Variants in STRA6 observed in about 807,000 individuals in gnomAD.
STRA6 encodes signaling receptor and transporter of retinol STRA6.
A neutral mutation model predicts 83.6 loss-of-function variants in STRA6; 48 were observed. That is an observed-to-expected ratio of 0.57 (90% CI 0.46 to 0.73). The LOEUF is 0.73. STRA6 is among the 30% of genes least tolerant of loss of function. The pLI, the probability that STRA6 is intolerant of heterozygous loss-of-function variation, is 0.00. For synonymous variants in STRA6, 353 were observed against 362.3 expected (o/e 0.97, Z 0.29); for missense variants, 760 against 838.8 (o/e 0.91, Z 1.16).
chr15:74,180,606 A>G (rs1184966064), intron 18 of STRA6, among the ~76,000 whole-genome samples, 176 bp downstream of exon 18: 2 of 152,146 alleles, frequency 1.3e-5, no homozygotes, highest in African/African-American at 4.8e-5. Context: ...GTGTGTGTTC[A>G]TATCATGGAA....
At chr15:74,181,217 G>T (rs532103784) in intron 17 of STRA6, 78 bp downstream of exon 17, 2 of 1,577,584 alleles carry the variant, frequency 1.3e-6, no homozygotes, top group African/African-American at 1.3e-5. Context: ...CAGCTGGCAC[G>T]GCCCTGGGGC....
upstream of STRA6, among the ~76,000 whole-genome samples, chr15:74,205,522 C>A (rs1192698975): frequency 6.6e-6 from 1 of 152,150 alleles, no homozygotes; most frequent in East Asian, 1.9e-4. Flanking sequence ...GGGCACCAAG[C>A]CATTCAGGAG....
chr15:74,196,816 C>A (rs1270575558), intron 4 of STRA6, among the ~76,000 whole-genome samples: 1 of 152,234 alleles, frequency 6.6e-6, no homozygotes, highest in African/African-American at 2.4e-5. Context: ...CTGCCCCAAC[C>A]CTTTGGTCTC....
chr15:74,209,194 C>T (rs188340576), upstream of STRA6, among the ~76,000 whole-genome samples: 2 of 152,164 alleles, frequency 1.3e-5, no homozygotes, highest in Non-Finnish European at 2.9e-5. Flanking sequence ...ACACACAGGG[C>T]GGCTTGTCTC....
At position 74,188,169 on chromosome 15, in the gene STRA6, C is replaced by T. The variant is rs1183708348; in HGVS notation, c.1090+946G>A. Among the ~76,000 whole-genome samples the T allele has an allele frequency of 1.3e-5, 2 of 152,180 alleles. No individual in the cohort carries two copies. Among genetic ancestry groups the T allele is most frequent in the South Asian group, 4.1e-4 (2 of 4,832 alleles). On this transcript the variant is annotated intron_variant, in intron 12 of 18. Transcript: ENST00000395105. The surrounding 1 kb of genome is among the most constrained non-coding windows in gnomAD (Gnocchi z 4.5). ...GGAAGGAAGTGGTCACTCCGTGCAC[C>T]TCTGCCCACCCCCCACTCCCTGCCC...
At chr15:74,195,149 G>A in intron 7 of STRA6, 153 bp downstream of exon 7, 1 of 1,513,684 alleles carries the variant, frequency 6.6e-7, no homozygotes, top group Non-Finnish European at 8.8e-7. Flanking sequence ...AGCCAAGCTT[G>A]GAAGGGGCAC....
intron 8 of STRA6, among the ~76,000 whole-genome samples, chr15:74,193,263 G>A (rs1213583313): frequency 6.6e-6 from 1 of 152,120 alleles, no homozygotes; most frequent in Non-Finnish European, 1.5e-5. Context: ...TCTTTCCCGT[G>A]CCTACAATGC....
At chr15:74,184,109 G>A in intron 13 of STRA6, 120 bp from the exon 14 acceptor site, 2 of 1,462,428 alleles carry the variant, frequency 1.4e-6, no homozygotes, top group Non-Finnish European at 1.9e-6. Flanking sequence ...CATCAGCAGG[G>A]AAGCCCAGAA....
At chr15:74,201,650 G>T (rs1396025479) in intron 2 of STRA6, among the ~76,000 whole-genome samples, 1 of 152,128 alleles carries the variant, frequency 6.6e-6, no homozygotes, top group Non-Finnish European at 1.5e-5. Context: ...CAACAAGGGT[G>T]CTTGTTTCCT....
chr15:74,203,120 G>C, upstream of STRA6: 1 of 985,592 alleles, frequency 1.0e-6, no homozygotes, highest in Non-Finnish European at 1.2e-6. Flanking sequence ...CGCTGGGGCT[G>C]GGCTGGGGCG....
Position 74,196,137 on chromosome 15 carries a change from A to G in STRA6, c.277T>C (p.Phe93Leu), listed in dbSNP as rs1333899167. The change falls in exon 5 of 19, where the codon TTC (phenylalanine) becomes CTC (leucine). Residue 93 changes from phenylalanine to leucine, a missense_variant. Phe to Leu is a conservative substitution (Grantham distance 22). Transcript: ENST00000395105. ...GRPGLPSPVD[F>L]LAGDRPRAVP... ...GCCCGGGGCCTGTCCCCAGCCAAGA[A>G]ATCCACAGGGCTAGCACAGAGGCAA... 6.2e-7 allele frequency: 1 copy of G among 1,613,786 alleles called. No individual in the cohort carries two copies. The highest frequency in any genetic ancestry group is 1.7e-5 in the Admixed American group (1 of 60,014).
intron 8 of STRA6, among the ~76,000 whole-genome samples, chr15:74,193,401 T>G (rs1212987089): frequency 1.3e-5 from 2 of 152,018 alleles, no homozygotes; most frequent in Non-Finnish European, 2.9e-5. Flanking sequence ...CAACCTAGAG[T>G]TGACTCATAA....
intron 10 of STRA6, 75 bp downstream of exon 10, chr15:74,191,092 C>T (rs2142032080): frequency 6.3e-7 from 1 of 1,587,080 alleles, no homozygotes; most frequent in Non-Finnish European, 8.6e-7. Context: ...AGGAGCCAGT[C>T]CTCCACTGCA....
At chr15:74,191,670 G>T in intron 8 of STRA6, 179 bp from the exon 9 acceptor site, 3 of 653,342 alleles carry the variant, frequency 4.6e-6, no homozygotes, top group Non-Finnish European at 8.3e-6. Flanking sequence ...GCCCTCCAAA[G>T]CTTCCCTTTT....
intron 8 of STRA6, chr15:74,191,941 C>G (rs946555800): frequency 3.6e-6 from 1 of 279,508 alleles, no homozygotes; most frequent in African/African-American, 2.2e-5. Flanking sequence ...TGCCACTGCG[C>G]AAGGGAGATC....
intron 8 of STRA6, among the ~76,000 whole-genome samples, chr15:74,193,449 T>C (rs1274988988): frequency 1.3e-5 from 2 of 152,134 alleles, no homozygotes; most frequent in African/African-American, 4.8e-5. Context: ...ATCATCTCAT[T>C]ATGTGCAGAA....
intron 12 of STRA6, among the ~76,000 whole-genome samples, chr15:74,187,627 C>T (rs949304161): frequency 2.0e-5 from 3 of 151,928 alleles, no homozygotes; most frequent in Non-Finnish European, 4.4e-5. Context: ...GCTCCTTAGG[C>T]GAAGGACAGA....
intron 7 of STRA6, chr15:74,195,078 T>C (rs1163658990): frequency 3.2e-5 from 47 of 1,456,970 alleles, no homozygotes; most frequent in Admixed American, 4.9e-5. Context: ...CGCCACCTCC[T>C]AGACTTAAAG....
chr15:74,208,505 G>A (rs907995031), intron 1 of STRA6, among the ~76,000 whole-genome samples: 4 of 152,194 alleles, frequency 2.6e-5, no homozygotes, highest in African/African-American at 9.6e-5. Flanking sequence ...CTGACCACAG[G>A]ACAGGGCTCT....
Sources: gnomAD v4.1 joint callset for allele counts (sites outside exome capture counted in the v4.1 genomes callset) on GRCh38, gnomAD v4.1.1 for gene constraint, Gnocchi (gnomAD v3.1) non-coding constraint, MANE v1.5 for transcripts, NCBI Gene and HGNC (gene_info 2026-07-23, HGNC 2026-07-21) for gene names.